The following TMEM135 variants were observed in gnomAD, a reference collection of about 807,000 sequenced individuals.
TMEM135 encodes the protein transmembrane protein 135.
In TMEM135, 30 loss-of-function variants were observed where a neutral mutation model predicts 60.3. That is an observed-to-expected ratio of 0.50 (90% CI 0.37 to 0.68). The LOEUF is 0.68. Among genes scored for constraint, TMEM135 ranks in the 30% least tolerant of loss-of-function variants. The pLI is 0.00. For missense variants in TMEM135, 468 were observed against 548.8 expected (o/e 0.85, Z 1.47); for synonymous variants, 190 against 186.7 (o/e 1.02, Z -0.14).
At chr11:87,216,700 A>G (rs561238776) in intron 5 of TMEM135, among the ~76,000 whole-genome samples, 30 of 152,204 alleles carry the variant, frequency 2.0e-4, no homozygotes, top group Non-Finnish European at 3.5e-4. Context: ...TGGATATGTG[A>G]TGTTAATTAT....
chr11:87,201,344 G>A (rs549828683), intron 5 of TMEM135, among the ~76,000 whole-genome samples: 1 of 152,100 alleles, frequency 6.6e-6, no homozygotes, highest in East Asian at 1.9e-4. Flanking sequence ...CATTTTTTCT[G>A]TATGGAAAAT....
intron 6 of TMEM135, among the ~76,000 whole-genome samples, chr11:87,249,813 A>G (rs1045273708): frequency 2.6e-5 from 4 of 152,082 alleles, no homozygotes; most frequent in African/African-American, 7.2e-5. Flanking sequence ...ATATCAGGGT[A>G]CTATTGTCCT....
chr11:87,057,347 C>T (rs552813201), intron 1 of TMEM135, among the ~76,000 whole-genome samples: 42 of 152,094 alleles, frequency 2.8e-4, no homozygotes, highest in Non-Finnish European at 4.9e-4. Flanking sequence ...ATCATCATTA[C>T]GGAAAACTTT....
At chr11:87,070,981 TA>T (rs1216996620) in intron 2 of TMEM135, among the ~76,000 whole-genome samples, 1 of 152,164 alleles carries the variant, frequency 6.6e-6, no homozygotes, top group African/African-American at 2.4e-5. Flanking sequence ...ATAGTTCTCT[TA>T]ATGGCTCTAT....
chr11:87,039,617 T>C (rs1306958316), intron 1 of TMEM135, among the ~76,000 whole-genome samples: 1 of 152,268 alleles, frequency 6.6e-6, no homozygotes, highest in Non-Finnish European at 1.5e-5. Context: ...CCATTCTGGC[T>C]GGAGTGCAGT....
chr11:87,279,889 A>T (rs2054913), intron 6 of TMEM135, among the ~76,000 whole-genome samples: 55,715 of 152,090 alleles, frequency 0.37, 10,877 homozygotes, highest in Non-Finnish European at 0.43. Flanking sequence ...GCCTGGATGA[A>T]TGCCTGAGTG....
intron 12 of TMEM135, among the ~76,000 whole-genome samples, chr11:87,315,969 T>C (rs927757578): frequency 2.0e-5 from 3 of 151,942 alleles, no homozygotes; most frequent in Non-Finnish European, 4.4e-5. Flanking sequence ...TGTAAGACAA[T>C]ATATTCCGGG....
chr11:87,300,310 T>C (rs1359148066), intron 7 of TMEM135, among the ~76,000 whole-genome samples: 1 of 152,070 alleles, frequency 6.6e-6, no homozygotes, highest in East Asian at 1.9e-4. Context: ...ACAGTAGAAG[T>C]CAAAAGAATA....
At chr11:87,160,330 A>G (rs1591065443) in intron 5 of TMEM135, among the ~76,000 whole-genome samples, 1 of 152,190 alleles carries the variant, frequency 6.6e-6, no homozygotes, top group African/African-American at 2.4e-5. Flanking sequence ...AACTTATTTT[A>G]TAGGTTATAG....
chr11:87,320,255 G>C (rs1354899400), intron 14 of TMEM135, among the ~76,000 whole-genome samples: 1 of 152,140 alleles, frequency 6.6e-6, no homozygotes, highest in Non-Finnish European at 1.5e-5. Flanking sequence ...AAAGGGGTTA[G>C]ATAGCTTGCC....
intron 1 of TMEM135, among the ~76,000 whole-genome samples, chr11:87,042,208 G>A (rs1949755782): frequency 1.3e-5 from 2 of 152,220 alleles, no homozygotes; most frequent in African/African-American, 4.8e-5. Flanking sequence ...GACAATAATG[G>A]TAATAGACTG....
intron 6 of TMEM135, among the ~76,000 whole-genome samples, chr11:87,289,585 T>G (rs1355711930): frequency 6.6e-6 from 1 of 151,806 alleles, no homozygotes; most frequent in Non-Finnish European, 1.5e-5. Flanking sequence ...GCCTCCCGAG[T>G]AGCTGGAATT....
rs892230542 is a variant in TMEM135 at position 87,207,020 on chromosome 11, T to A, written c.463-29618T>A. Among the ~76,000 whole-genome samples, 3 of 152,292 alleles carry A rather than the reference T, an allele frequency of 2.0e-5. No individual in the cohort carries two copies. In the East Asian group the frequency reaches 5.8e-4, roughly 29 times the overall value. ...TTCATTTTATCTACTTGTAACATGA[T>A]TAGGCAGGATAGCTAAGCTGCCAAA... On this transcript the variant is annotated intron_variant, in intron 5 of 14. Transcript: ENST00000305494.
intron 3 of TMEM135, among the ~76,000 whole-genome samples, chr11:87,081,138 A>C (rs1270555422): frequency 1.4e-5 from 2 of 146,386 alleles, no homozygotes; most frequent in African/African-American, 5.1e-5. Context: ...TTATTTTTTT[A>C]TATCTATTCT....
chr11:87,319,481 T>C (rs2134537678), intron 14 of TMEM135, 104 bp downstream of exon 14: 1 of 814,774 alleles, frequency 1.2e-6, no homozygotes, highest in East Asian at 2.7e-5. Context: ...AAATAAAATA[T>C]GAGTAACTTA....
chr11:87,236,734 T>C (rs1394465437), intron 6 of TMEM135, 50 bp downstream of exon 6: 2 of 1,535,572 alleles, frequency 1.3e-6, no homozygotes, highest in Non-Finnish European at 1.8e-6. Flanking sequence ...AGTATCTCTT[T>C]GTAATTTCAT....
At position 87,193,503 on chromosome 11, in the gene TMEM135, A is replaced by G. The variant is rs924962413; in HGVS notation, c.462+36097A>G. On this transcript the variant is annotated intron_variant, in intron 5 of 14. Coordinates refer to ENST00000305494, the MANE Select transcript of TMEM135 (RefSeq NM_022918.4). ...AAATATTGATGAGACTCCAGATATG[A>G]AATTACTTTAATTTGGTAGTGAGAA... Among the ~76,000 whole-genome samples, 21 of 152,076 alleles carry G rather than the reference A, an allele frequency of 1.4e-4. 1 individual carries two copies. The highest frequency in any genetic ancestry group is 2.1e-4 in the South Asian group (1 of 4,830).
chr11:87,307,612 A>G (rs1267247992), intron 9 of TMEM135, among the ~76,000 whole-genome samples: 1 of 152,182 alleles, frequency 6.6e-6, no homozygotes, highest in Non-Finnish European at 1.5e-5. Context: ...AAAACTAGTG[A>G]TTCTTTCAAA....
chr11:87,079,699 G>A (rs144886473), intron 3 of TMEM135, among the ~76,000 whole-genome samples: 2,317 of 151,578 alleles, frequency 0.015, 59 homozygotes, highest in African/African-American at 0.052. Context: ...TTTTTCAGAT[G>A]CTCTTTGTTA....
Sources: gnomAD v4.1 joint callset for allele counts (sites outside exome capture counted in the v4.1 genomes callset) on GRCh38, gnomAD v4.1.1 for gene constraint, MANE v1.5 for transcripts, NCBI Gene and HGNC (gene_info 2026-07-23, HGNC 2026-07-21) for gene names.